Variants in PRC1 observed in about 807,000 individuals in gnomAD.
PRC1 encodes protein regulator of cytokinesis 1.
PRC1 carries 54 observed loss-of-function variants against 91.2 expected under a neutral mutation model. That is an observed-to-expected ratio of 0.59 (90% CI 0.48 to 0.74). The LOEUF (loss-of-function observed/expected upper bound fraction) is 0.74, where lower values mean the gene tolerates loss of function less well. Among genes scored for constraint, PRC1 ranks in the 30% least tolerant of loss-of-function variants. The probability of loss-of-function intolerance (pLI) is 0.00; values close to 1 mark genes in which losing one functional copy is unlikely to be tolerated. For missense variants in PRC1, 727 were observed against 746.2 expected (o/e 0.97, Z 0.30); for synonymous variants, 275 against 263.6 (o/e 1.04, Z -0.42).
intron 3 of PRC1, among the ~76,000 whole-genome samples, chr15:90,982,410 T>TAGA (rs767991269): frequency 1.8e-4 from 27 of 152,280 alleles, no homozygotes; most frequent in Non-Finnish European, 3.2e-4. Flanking sequence ...CTACCTTTTG[T>TAGA]CTCTATGATT....
chr15:90,967,018 A>C lies in PRC1; in HGVS notation c.*113T>G. 2.2e-6 allele frequency: 2 copies of C among 889,810 alleles called. No homozygotes were observed. Among genetic ancestry groups the C allele is most frequent in the Non-Finnish European group, 3.7e-6 (2 of 547,838 alleles). The allele number at this position is 889,810 out of a possible 1,614,324, so 55.1% of individuals were successfully genotyped here. On this transcript the variant is annotated 3_prime_UTR_variant, in exon 15 of 15. Coordinates refer to ENST00000394249, the MANE Select transcript of PRC1 (RefSeq NM_003981.4). ...TTTAAGTTAGGCCCATGGTCATGGA[A>C]CCTGGCCAAGGTTTCAAGCACGCCT...
In PRC1 at chr15:90,994,403, G is replaced by A. The variant is rs961953134; in HGVS notation, c.11+4C>T. On this transcript the variant is annotated splice_donor_region_variant and intron_variant, in intron 1 of 14. Coordinates refer to ENST00000394249, the MANE Select transcript of PRC1 (RefSeq NM_003981.4). ...CGTCCCCTCGATTTCCCCGCAACCC[G>A]CACCTTCTCCTCATGGCGGACGCTC... 1.9e-6 allele frequency: 3 copies of A among 1,610,942 alleles called. No individual in the cohort carries two copies. The highest frequency in any genetic ancestry group is 1.7e-6 in the Non-Finnish European group (2 of 1,178,746).
chr15:90,986,847 G>T (rs2039613648), intron 1 of PRC1, among the ~76,000 whole-genome samples: 1 of 149,958 alleles, frequency 6.7e-6, no homozygotes, highest in South Asian at 2.1e-4. Context: ...TTTTTTTAAT[G>T]AAGTAAAATA....
intron 3 of PRC1, 42 bp downstream of exon 3, chr15:90,983,976 G>GC (rs762612754): frequency 3.7e-6 from 6 of 1,608,704 alleles, no homozygotes; most frequent in Non-Finnish European, 5.1e-6. Context: ...TAAGTCTCAG[G>GC]CCCCAGACAG....
chr15:90,982,925 A>C (rs527953329), intron 3 of PRC1, among the ~76,000 whole-genome samples: 1 of 141,362 alleles, frequency 7.1e-6, no homozygotes, highest in South Asian at 2.1e-4. Flanking sequence ...GGTTAACAAG[A>C]AAAAAAAAAG....
intron 3 of PRC1, 27 bp from the exon 4 acceptor site, chr15:90,982,008 T>C (rs1194269597): frequency 1.0e-5 from 16 of 1,591,804 alleles, no homozygotes; most frequent in Non-Finnish European, 1.4e-5. Flanking sequence ...ACCACTGTTA[T>C]AAGATTCCAA....
At position 90,966,213 on chromosome 15, in the gene PRC1, G is replaced by T. The variant is rs183744452; in HGVS notation, c.*918C>A. 1.0e-5 allele frequency: 2 copies of T among 194,580 alleles called. No homozygotes were observed. The allele number at this position is 194,580 out of a possible 1,614,324, so 12.1% of individuals were successfully genotyped here. On this transcript the variant is annotated 3_prime_UTR_variant, in exon 15 of 15. Transcript: ENST00000394249. ...AGTAGTACTGCTGCAGGCAGACAGC[G>T]GAAGAATAAATAATAGTGCTTCAAG...
At chr15:90,994,151 C>G (rs185160455) in intron 1 of PRC1, among the ~76,000 whole-genome samples, 7 of 152,068 alleles carry the variant, frequency 4.6e-5, no homozygotes, top group Middle Eastern at 6.8e-3. Flanking sequence ...CGGCGCTCGG[C>G]TCCCACCCGG....
chr15:90,967,239 C>T, intron 14 of PRC1, 37 bp from the exon 15 acceptor site: 2 of 1,535,594 alleles, frequency 1.3e-6, no homozygotes, highest in Non-Finnish European at 1.8e-6. Flanking sequence ...GCCATACTGC[C>T]TCTCTTACAC....
chr15:90,983,437 C>G (rs1445626440), intron 3 of PRC1, among the ~76,000 whole-genome samples: 1 of 152,222 alleles, frequency 6.6e-6, no homozygotes, highest in African/African-American at 2.4e-5. Context: ...TGTCCTCACT[C>G]AAGTCCCTGA....
intron 3 of PRC1, among the ~76,000 whole-genome samples, chr15:90,983,181 G>A (rs2039339379): frequency 1.3e-5 from 2 of 152,114 alleles, no homozygotes; most frequent in Non-Finnish European, 1.5e-5. Flanking sequence ...CTGCCTGATT[G>A]CTCTTGGCTA....
intron 1 of PRC1, among the ~76,000 whole-genome samples, chr15:90,993,265 A>T (rs1357508297): frequency 7.1e-6 from 1 of 141,410 alleles, no homozygotes; most frequent in Non-Finnish European, 1.5e-5. Flanking sequence ...GCTGGAGTGC[A>T]GTGTCGAGAT....
chr15:90,969,078 C>T lies in PRC1; in HGVS notation c.1791+1G>A. ...GGACATGCAGGGATTGCCATACAGA[C>T]CTGAAGCCCAACAGTGGAACTGTCA... On this transcript the variant is annotated splice_donor_variant, in intron 14 of 14. Coordinates refer to ENST00000394249, the MANE Select transcript of PRC1 (RefSeq NM_003981.4). LOFTEE classifies it high-confidence loss of function. 6.2e-7 allele frequency: 1 copy of T among 1,614,020 alleles called. No homozygotes were observed. The highest frequency in any genetic ancestry group is 8.5e-7 in the Non-Finnish European group (1 of 1,179,982).
intron 14 of PRC1, 95 bp from the exon 15 acceptor site, chr15:90,967,297 G>A: frequency 1.5e-5 from 16 of 1,034,028 alleles, no homozygotes; most frequent in Non-Finnish European, 2.4e-5. Flanking sequence ...AAGGTCCCTT[G>A]AAGGTAGTTT....
chr15:90,988,819 T>C (rs776232455), intron 1 of PRC1, among the ~76,000 whole-genome samples: 19 of 152,286 alleles, frequency 1.2e-4, no homozygotes, highest in Admixed American at 5.9e-4. Flanking sequence ...TCAATAGATA[T>C]AAAATGAATG....
In PRC1 at chr15:90,994,482, A is replaced by C. The variant is rs985873349; in HGVS notation, c.-65T>G. The C allele has an allele frequency of 2.7e-4, 421 of 1,560,812 alleles. No individual in the cohort carries two copies. Among genetic ancestry groups the C allele is most frequent in the Non-Finnish European group, 3.4e-4 (394 of 1,150,406 alleles). ...TACTCCACACGGCCCCGAGAGCAAC[A>C]ACCACCCGCAAACACCGGCGATGTC... On this transcript the variant is annotated 5_prime_UTR_variant, in exon 1 of 15. Coordinates refer to ENST00000394249, the MANE Select transcript of PRC1 (RefSeq NM_003981.4).
rs185264735 is a variant in PRC1 at position 90,985,144 on chromosome 15, T to C, written c.12-319A>G. Among the ~76,000 whole-genome samples the C allele has an allele frequency of 7.9e-5, 12 of 152,136 alleles. No homozygotes were observed. The East Asian group carries it at 2.3e-3, about 29-fold the overall frequency. On this transcript the variant is annotated intron_variant, in intron 1 of 14. Transcript: ENST00000394249. ...AGAAAAACCGGACAAAAGATGTTGG[T>C]AAAATAAACTAACACAAGAACTTGC...
chr15:90,988,962 G>A (rs1382233722), intron 1 of PRC1, among the ~76,000 whole-genome samples: 1 of 152,138 alleles, frequency 6.6e-6, no homozygotes, highest in African/African-American at 2.4e-5. Context: ...AAGGTAAAGT[G>A]ATCGTTTTTC....
intron 6 of PRC1, 65 bp from the exon 7 acceptor site, chr15:90,980,454 A>T: frequency 2.6e-6 from 4 of 1,525,000 alleles, no homozygotes; most frequent in Non-Finnish European, 3.5e-6. Flanking sequence ...TTTGCAAAAG[A>T]TCCCCCCCTT....
Sources: gnomAD v4.1 joint callset for allele counts (sites outside exome capture counted in the v4.1 genomes callset) on GRCh38, gnomAD v4.1.1 for gene constraint, MANE v1.5 for transcripts, NCBI Gene and HGNC (gene_info 2026-07-23, HGNC 2026-07-21) for gene names.